The following EYS variants were observed in gnomAD, a reference collection of about 807,000 sequenced individuals.
The protein encoded by EYS is EGF-like photoreceptor maintenance factor.
Under a neutral mutation model 282.1 loss-of-function variants are expected in EYS, and 250 were observed. The ratio of observed to expected loss-of-function variants is 0.89; its 90% CI spans 0.80 to 0.98. The LOEUF is 0.98. EYS is among the 50% of genes least tolerant of loss of function. The probability of loss-of-function intolerance (pLI) is 0.00; values close to 1 mark genes in which losing one functional copy is unlikely to be tolerated. For synonymous variants in EYS, 1,355 were observed against 1,282.9 expected, an observed-to-expected ratio of 1.06 and a Z score of -1.20; for missense variants, 4,016 against 3,709.0, an observed-to-expected ratio of 1.08 and a Z score of -2.15.
chr6:64,079,768 T>G (rs1417487839), intron 32 of EYS, among the ~76,000 whole-genome samples: 1 of 152,146 alleles, frequency 6.6e-6, no homozygotes, highest in Non-Finnish European at 1.5e-5. Flanking sequence ...TTCCCCTTCC[T>G]GTGTCCAAGT....
chr6:64,091,876 A>G (rs1772374934), intron 31 of EYS, among the ~76,000 whole-genome samples: 1 of 152,076 alleles, frequency 6.6e-6, no homozygotes, highest in Non-Finnish European at 1.5e-5. Flanking sequence ...CATTAGGTAT[A>G]TCTCCTAATG....
chr6:64,107,293 A>T (rs58733323), intron 31 of EYS, among the ~76,000 whole-genome samples: 4,590 of 123,426 alleles, frequency 0.037, 293 homozygotes, highest in African/African-American at 0.16. Context: ...ATTTATATAT[A>T]TATATATATA....
chr6:64,759,280 G>C (rs567309241), intron 22 of EYS, among the ~76,000 whole-genome samples: 2 of 152,178 alleles, frequency 1.3e-5, no homozygotes, highest in Non-Finnish European at 2.9e-5. Flanking sequence ...ACTAATTATT[G>C]TAGTGTGAAA....
At chr6:64,805,598 C>T (rs1764398406) in intron 22 of EYS, among the ~76,000 whole-genome samples, 1 of 151,230 alleles carries the variant, frequency 6.6e-6, no homozygotes, top group Admixed American at 6.6e-5. Context: ...CATAACAGGA[C>T]TAAACAGAAA....
intron 30 of EYS, among the ~76,000 whole-genome samples, chr6:64,236,783 A>G (rs1766619267): frequency 7.1e-6 from 1 of 141,112 alleles, no homozygotes; most frequent in African/African-American, 2.6e-5. Context: ...TTTATCTTTT[A>G]TTTTTATATA....
Position 65,700,520 on chromosome 6 carries a change from T to C in EYS, c.-448+6615A>G, listed in dbSNP as rs147881970. Among the ~76,000 whole-genome samples, 618 of 152,338 alleles carry C rather than the reference T, an allele frequency of 4.1e-3. 4 individuals are homozygous for C. The highest frequency in any genetic ancestry group is 8.6e-3 in the African/African-American group (359 of 41,588). On this transcript the variant is annotated intron_variant, in intron 1 of 42. Transcript: ENST00000503581. The stretch of plus-strand genomic sequence containing the variant: ...TAACTTTTAAAACTTTTAATTTGTA[T>C]GGTAGTATTGATCTAAATGTTTTTC...
intron 31 of EYS, among the ~76,000 whole-genome samples, chr6:64,101,456 ATG>A (rs1401551913): frequency 2.0e-5 from 3 of 152,192 alleles, no homozygotes; most frequent in Non-Finnish European, 4.4e-5. Flanking sequence ...TATATTCATG[ATG>A]CATGCATGCA....
chr6:63,990,655 T>C (rs1037249196), intron 34 of EYS, among the ~76,000 whole-genome samples: 4 of 151,496 alleles, frequency 2.6e-5, no homozygotes, highest in Non-Finnish European at 4.4e-5. Flanking sequence ...TCAGAGAAAA[T>C]TCTCACCTTC....
chr6:65,389,498 T>C (rs1765927381), intron 7 of EYS, among the ~76,000 whole-genome samples: 1 of 152,146 alleles, frequency 6.6e-6, no homozygotes, highest in Non-Finnish European at 1.5e-5. Flanking sequence ...GACATGTACC[T>C]GAATGAAGGT....
At chr6:64,596,030 G>A (rs998438695) in intron 24 of EYS, among the ~76,000 whole-genome samples, 3 of 152,058 alleles carry the variant, frequency 2.0e-5, no homozygotes, top group Non-Finnish European at 4.4e-5. Flanking sequence ...GAAGAGGGAG[G>A]AGGCACATCA....
chr6:65,477,419 C>T (rs1167586161), intron 5 of EYS, among the ~76,000 whole-genome samples: 4 of 152,148 alleles, frequency 2.6e-5, no homozygotes, highest in Admixed American at 2.6e-4. Flanking sequence ...ACTTTACCAG[C>T]AGAAATTACT....
At chr6:65,134,765 G>T (rs1015001964) in intron 12 of EYS, among the ~76,000 whole-genome samples, 1 of 151,900 alleles carries the variant, frequency 6.6e-6, no homozygotes, top group African/African-American at 2.4e-5. Flanking sequence ...GAGAGGGAAA[G>T]ATCAATTTAT....
At chr6:63,914,121 C>T (rs762135751) in intron 35 of EYS, among the ~76,000 whole-genome samples, 2 of 152,108 alleles carry the variant, frequency 1.3e-5, no homozygotes, top group Non-Finnish European at 2.9e-5. Context: ...ACTGTCTGCT[C>T]CCCACATCTC....
At chr6:63,939,603 G>C (rs1219812044) in intron 35 of EYS, among the ~76,000 whole-genome samples, 1 of 151,750 alleles carries the variant, frequency 6.6e-6, no homozygotes, top group African/African-American at 2.4e-5. Flanking sequence ...TTAACTACAT[G>C]GGTTCACTTA....
chr6:65,319,792 C>T (rs1192026994), intron 11 of EYS, among the ~76,000 whole-genome samples: 2 of 152,122 alleles, frequency 1.3e-5, no homozygotes, highest in East Asian at 3.9e-4. Flanking sequence ...AGGGAAGTGG[C>T]TGCTTGGTTA....
intron 12 of EYS, among the ~76,000 whole-genome samples, chr6:65,191,789 A>T (rs1053366750): frequency 1.3e-5 from 2 of 151,830 alleles, no homozygotes; most frequent in African/African-American, 4.8e-5. Flanking sequence ...TCAATACAGC[A>T]TGTATGTATC....
intron 26 of EYS, among the ~76,000 whole-genome samples, chr6:64,589,098 A>C (rs541565591): frequency 1.4e-4 from 22 of 152,184 alleles, no homozygotes; most frequent in African/African-American, 5.3e-4. Flanking sequence ...GAAATGATGT[A>C]TTAGGCATTG....
intron 2 of EYS, among the ~76,000 whole-genome samples, chr6:65,614,734 T>G (rs1766124440): frequency 6.6e-6 from 1 of 151,548 alleles, no homozygotes; most frequent in African/African-American, 2.4e-5. Flanking sequence ...GTTTTTTATT[T>G]GTCATTATTC....
intron 13 of EYS, among the ~76,000 whole-genome samples, chr6:65,053,436 A>G (rs1354466232): frequency 7.1e-6 from 1 of 140,742 alleles, no homozygotes; most frequent in African/African-American, 2.4e-5. Context: ...ACAGTTATGA[A>G]TCTAACCTAG....
Sources: allele counts gnomAD v4.1 joint callset (sites outside exome capture counted in the v4.1 genomes callset), GRCh38; gene constraint gnomAD v4.1.1; transcripts MANE v1.5; gene names NCBI Gene and HGNC (gene_info 2026-07-23, HGNC 2026-07-21).